Variants in CAP2 observed in about 807,000 individuals in gnomAD.
The protein encoded by CAP2 is adenylyl cyclase-associated protein 2.
In CAP2, 24 loss-of-function variants were observed where a neutral mutation model predicts 57.7. The ratio of observed to expected loss-of-function variants is 0.42; its 90% CI spans 0.30 to 0.58. The LOEUF is 0.58. CAP2 is among the 20% of genes least tolerant of loss of function. CAP2 has a pLI of 0.22. For missense variants in CAP2, 501 were observed against 590.3 expected (o/e 0.85, Z 1.57); for synonymous variants, 194 against 207.2 (o/e 0.94, Z 0.55).
chr6:17,398,972 T>C (rs1283857971), intron 1 of CAP2, among the ~76,000 whole-genome samples: 1 of 152,258 alleles, frequency 6.6e-6, no homozygotes, highest in Non-Finnish European at 1.5e-5. Flanking sequence ...GATTCTCCTC[T>C]TCCACAATCC....
chr6:17,512,530 T>C (rs1762182491), intron 6 of CAP2, among the ~76,000 whole-genome samples: 1 of 152,222 alleles, frequency 6.6e-6, no homozygotes. Flanking sequence ...ATTGAAGTAA[T>C]GTTCATGCTC....
chr6:17,445,502 A>G (rs1760233680), intron 3 of CAP2, among the ~76,000 whole-genome samples: 1 of 152,192 alleles, frequency 6.6e-6, no homozygotes, highest in Non-Finnish European at 1.5e-5. Flanking sequence ...TTCCCCCTCA[A>G]TTGTTTTCAA....
chr6:17,413,985 C>T lies in CAP2; in HGVS notation c.-1-7570C>T, dbSNP rs538497291. Reference sequence around the variant, plus strand: ...AGGAGAATCACTTGAACCCAGGAGGCGGAGATTGCAGTGAGCCAAGATTGT... The same window carrying T: ...AGGAGAATCACTTGAACCCAGGAGGTGGAGATTGCAGTGAGCCAAGATTGT... On this transcript the variant is annotated intron_variant, in intron 1 of 12. Coordinates refer to ENST00000229922, the MANE Select transcript of CAP2 (RefSeq NM_006366.3). 5.7e-3 allele frequency among the ~76,000 whole-genome samples: 862 copies of T among 150,336 alleles called. 4 individuals carry two copies. Among genetic ancestry groups the T allele is most frequent in the Non-Finnish European group, 9.1e-3 (619 of 67,822 alleles).
chr6:17,495,736 G>GA, intron 4 of CAP2, among the ~76,000 whole-genome samples: 1 of 152,128 alleles, frequency 6.6e-6, no homozygotes, highest in East Asian at 1.9e-4. Flanking sequence ...TGCTGCAAAA[G>GA]AAAAAGACTG....
chr6:17,542,455 G>T (rs889270584), intron 9 of CAP2, among the ~76,000 whole-genome samples: 1 of 144,798 alleles, frequency 6.9e-6, no homozygotes, highest in East Asian at 1.9e-4. Context: ...AAACACAAGG[G>T]CTTAGACCAC....
chr6:17,394,602 C>A (rs73723915), intron 1 of CAP2, among the ~76,000 whole-genome samples: 2 of 152,086 alleles, frequency 1.3e-5, no homozygotes, highest in Non-Finnish European at 2.9e-5. Flanking sequence ...CATCTAGGAC[C>A]TTTGGTTTTA....
At chr6:17,547,758 A>G (rs544125891) in intron 11 of CAP2, among the ~76,000 whole-genome samples, 30 of 150,988 alleles carry the variant, frequency 2.0e-4, no homozygotes, top group South Asian at 4.2e-4. Flanking sequence ...GGAGAATGGC[A>G]TGAACCCGGG....
intron 3 of CAP2, among the ~76,000 whole-genome samples, chr6:17,454,366 T>C (rs1052345078): frequency 1.3e-5 from 2 of 152,124 alleles, no homozygotes; most frequent in Non-Finnish European, 2.9e-5. Context: ...CATCCAAGCC[T>C]TTTATAAGAA....
intron 11 of CAP2, among the ~76,000 whole-genome samples, chr6:17,547,577 C>A (rs761525124): frequency 6.6e-6 from 1 of 152,192 alleles, no homozygotes. Context: ...CACGGTGGCT[C>A]ACGCCTGTAA....
intron 4 of CAP2, among the ~76,000 whole-genome samples, chr6:17,486,387 T>A (rs937698130): frequency 2.6e-5 from 4 of 152,070 alleles, no homozygotes; most frequent in Non-Finnish European, 5.9e-5. Flanking sequence ...GTGGGTAGTT[T>A]AAGCCCAGGA....
intron 3 of CAP2, among the ~76,000 whole-genome samples, chr6:17,452,585 T>G (rs1760441401): frequency 6.6e-6 from 1 of 152,202 alleles, no homozygotes; most frequent in South Asian, 2.1e-4. Context: ...CCACTCCATC[T>G]CTATGACACC....
Position 17,556,299 on chromosome 6 carries a change from C to A in CAP2, c.1351-60C>A. 1.3e-5 allele frequency: 16 copies of A among 1,205,352 alleles called. No individual in the cohort carries two copies. In the South Asian group the frequency reaches 2.0e-4, roughly 15 times the overall value. 74.7% of individuals were successfully genotyped at this position (1,205,352 alleles called of 1,614,324 possible). A position where few individuals can be genotyped will look rare whatever the true frequency, so the allele number is the denominator to read the frequency against. ...CTCACCATCTGTTTGCAAAAGGAAG[C>A]CTTAGTTTAAATAACTTTGTTGTAG... On this transcript the variant is annotated intron_variant, in intron 12 of 12. Transcript: ENST00000229922.
intron 9 of CAP2, among the ~76,000 whole-genome samples, chr6:17,541,780 C>G (rs1265331780): frequency 6.6e-6 from 1 of 152,182 alleles, no homozygotes; most frequent in Non-Finnish European, 1.5e-5. Context: ...TGTTCGTACC[C>G]ATTAACCACC....
intron 4 of CAP2, among the ~76,000 whole-genome samples, chr6:17,487,395 C>G (rs1037611069): frequency 6.6e-6 from 1 of 151,964 alleles, no homozygotes; most frequent in African/African-American, 2.4e-5. Flanking sequence ...TCAGAGCTCC[C>G]CAAGAGCAAA....
At chr6:17,510,202 G>A (rs893065016) in intron 6 of CAP2, among the ~76,000 whole-genome samples, 6 of 152,048 alleles carry the variant, frequency 3.9e-5, no homozygotes, top group African/African-American at 9.7e-5. Context: ...CTTTTGGGGG[G>A]TGATGAATTA....
chr6:17,427,379 A>T (rs1207374024), intron 3 of CAP2, among the ~76,000 whole-genome samples: 1 of 152,116 alleles, frequency 6.6e-6, no homozygotes, highest in African/African-American at 2.4e-5. Flanking sequence ...GATTTGATTT[A>T]TGCTTTTAAA....
At chr6:17,470,953 T>C (rs1344026807) in intron 4 of CAP2, among the ~76,000 whole-genome samples, 1 of 152,240 alleles carries the variant, frequency 6.6e-6, no homozygotes, top group Non-Finnish European at 1.5e-5. Context: ...TAGATGTATC[T>C]ATGTATGTAT....
intron 8 of CAP2, among the ~76,000 whole-genome samples, chr6:17,540,262 T>A (rs1157123739): frequency 6.6e-6 from 1 of 152,156 alleles, no homozygotes; most frequent in Non-Finnish European, 1.5e-5. Context: ...AAGGAATGGA[T>A]TCGTAAAGTC....
rs533611677 is a variant in CAP2 at position 17,468,153 on chromosome 6, A to T, written c.300+5080A>T. Among the ~76,000 whole-genome samples the T allele has an allele frequency of 5.9e-5, 9 of 152,140 alleles. No homozygotes were observed. In the South Asian group the frequency reaches 1.9e-3, roughly 32 times the overall value. On this transcript the variant is annotated intron_variant, in intron 4 of 12. Coordinates refer to ENST00000229922, the MANE Select transcript of CAP2 (RefSeq NM_006366.3). The stretch of plus-strand genomic sequence containing the variant: ...GAATTTTTTTTTTTAATAAGACCAC[A>T]GGCCATAGACCACAATGTGCCCTTC...
Sources: gnomAD v4.1 joint callset for allele counts (sites outside exome capture counted in the v4.1 genomes callset) on GRCh38, gnomAD v4.1.1 for gene constraint, MANE v1.5 for transcripts, NCBI Gene and HGNC (gene_info 2026-07-23, HGNC 2026-07-21) for gene names.